Variants in RMDN1 observed in about 807,000 individuals in gnomAD.
RMDN1 encodes the protein regulator of microtubule dynamics protein 1.
RMDN1 carries 48 observed loss-of-function variants against 48.9 expected under a neutral mutation model. The observed-to-expected ratio is 0.98, with a 90% CI of 0.78 to 1.25. The LOEUF (loss-of-function observed/expected upper bound fraction) is 1.25, where lower values mean the gene tolerates loss of function less well. Among genes scored for constraint, RMDN1 ranks in the 50% most tolerant of loss-of-function variants. RMDN1 has a pLI of 0.00. For synonymous variants in RMDN1, 148 were observed against 132.6 expected, an observed-to-expected ratio of 1.12 and a Z score of -0.80; for missense variants, 418 against 373.4, an observed-to-expected ratio of 1.12 and a Z score of -0.98.
chr8:86,500,375 A>T (rs1187521201), intron 2 of RMDN1, among the ~76,000 whole-genome samples: 1 of 152,076 alleles, frequency 6.6e-6, no homozygotes, highest in East Asian at 1.9e-4. Context: ...AAAAGACATG[A>T]ACACTTCTCA....
chr8:86,507,078 A>C lies in RMDN1; in HGVS notation c.164T>G (p.Leu55Arg). Reference protein sequence around the residue: ...MGNPGTFKRGLLLSALSYLGF... With the variant: ...MGNPGTFKRGRLLSALSYLGF... ...CAAATACGACAAAGCTGAGAGTAAAAGGCCTCTTTTGAAAGTTCCTGGGTT... is the reference window on the plus strand; with the variant it reads ...CAAATACGACAAAGCTGAGAGTAAACGGCCTCTTTTGAAAGTTCCTGGGTT... The change falls in exon 2 of 10, where the codon CTT (leucine) becomes CGT (arginine). Residue 55 changes from leucine to arginine, a missense_variant. Coordinates refer to ENST00000406452, the MANE Select transcript of RMDN1 (RefSeq NM_016033.3). 6.2e-7 allele frequency: 1 copy of C among 1,612,006 alleles called. No individual in the cohort carries two copies. Among genetic ancestry groups the C allele is most frequent in the Non-Finnish European group, 8.5e-7 (1 of 1,178,050 alleles).
intron 4 of RMDN1, 65 bp downstream of exon 4, chr8:86,486,419 A>G (rs1423114407): frequency 4.3e-6 from 5 of 1,163,016 alleles, no homozygotes; most frequent in Non-Finnish European, 5.7e-6. Flanking sequence ...TAAATCAGAG[A>G]TAATAGAAAA....
intron 2 of RMDN1, among the ~76,000 whole-genome samples, chr8:86,494,626 G>A (rs1003835154): frequency 1.3e-5 from 2 of 152,072 alleles, no homozygotes; most frequent in African/African-American, 2.4e-5. Context: ...CCCCTACTGC[G>A]GCTATGAAGG....
At chr8:86,491,706 T>C (rs539299696) in intron 2 of RMDN1, among the ~76,000 whole-genome samples, 4 of 152,210 alleles carry the variant, frequency 2.6e-5, no homozygotes, top group Non-Finnish European at 5.9e-5. Flanking sequence ...AGTGAAATCT[T>C]AAATGTAACC....
At chr8:86,468,758 A>C, downstream of RMDN1, 1 of 455,504 alleles carries the variant, frequency 2.2e-6, no homozygotes, top group South Asian at 1.6e-5. Context: ...AGGGTCTTCC[A>C]CTTTTCATAC....
At chr8:86,508,915 T>G, upstream of RMDN1, 2 of 586,962 alleles carry the variant, frequency 3.4e-6, no homozygotes, top group Non-Finnish European at 2.3e-6. Context: ...TCCATCTCTC[T>G]AGGGGGTCTT....
rs1812701132 is a variant in RMDN1 at position 86,472,474 on chromosome 8, C to T, written c.*1834G>A. The T allele has an allele frequency of 1.4e-6, 1 of 702,400 alleles. No homozygotes were observed. Among genetic ancestry groups the T allele is most frequent in the Non-Finnish European group, 2.6e-6 (1 of 384,982 alleles). 43.5% of individuals were successfully genotyped at this position (702,400 alleles called of 1,614,324 possible). ...TGGCCCTTCAGCTGCTTCTGTTTCT[C>T]TTCACCTACAAAAATAAAATTACAG... On this transcript the variant is annotated 3_prime_UTR_variant, in exon 10 of 10. Coordinates refer to ENST00000406452, the MANE Select transcript of RMDN1 (RefSeq NM_016033.3).
At chr8:86,504,179 G>C in intron 2 of RMDN1, 1 of 1,494,232 alleles carries the variant, frequency 6.7e-7, no homozygotes. Context: ...ATCCTACAAA[G>C]TGCAGCCCTT....
intron 2 of RMDN1, among the ~76,000 whole-genome samples, chr8:86,489,103 A>G (rs1816006636): frequency 6.6e-6 from 1 of 152,246 alleles, no homozygotes; most frequent in Admixed American, 6.5e-5. Flanking sequence ...ACTACCAACC[A>G]TTGTAGAAAA....
At chr8:86,501,191 A>C (rs935858587) in intron 2 of RMDN1, among the ~76,000 whole-genome samples, 4 of 152,162 alleles carry the variant, frequency 2.6e-5, no homozygotes, top group African/African-American at 9.7e-5. Context: ...GTACCCTCTG[A>C]ATCTAAAATA....
chr8:86,468,634 T>C (rs1412338573), downstream of RMDN1: 1 of 454,196 alleles, frequency 2.2e-6, no homozygotes, highest in Non-Finnish European at 4.4e-6. Context: ...AAGGCAGCTT[T>C]CCAGTTCGTT....
At position 86,474,954 on chromosome 8, in the gene RMDN1, C is replaced by G; in HGVS notation, c.761-1G>C. ...TTTTTGCTGTAGAAGTTTGGATCCA[C>G]TGCACATAAGAAAGAAAAAATGATC... is the stretch of plus-strand genomic sequence containing the variant. On this transcript the variant is annotated splice_acceptor_variant, in intron 8 of 9. Coordinates refer to ENST00000406452, the MANE Select transcript of RMDN1 (RefSeq NM_016033.3). LOFTEE classifies it high-confidence loss of function. 6.3e-7 allele frequency: 1 copy of G among 1,598,268 alleles called. No individual in the cohort carries two copies. The highest frequency in any genetic ancestry group is 8.5e-7 in the Non-Finnish European group (1 of 1,175,498).
intron 2 of RMDN1, among the ~76,000 whole-genome samples, chr8:86,494,078 G>T (rs1032516125): frequency 4.6e-5 from 7 of 152,182 alleles, no homozygotes; most frequent in African/African-American, 1.7e-4. Flanking sequence ...GGGTGATGTT[G>T]GTCAAATGGT....
chr8:86,472,933 A>G lies in RMDN1; in HGVS notation c.*1375T>C, dbSNP rs1011594437. ...ATAAAGTTACCTTCAAGCTATGTGC[A>G]TAAGGTATATATGAAACAAGTGAAT... On this transcript the variant is annotated 3_prime_UTR_variant, in exon 10 of 10. Coordinates refer to ENST00000406452, the MANE Select transcript of RMDN1 (RefSeq NM_016033.3). The G allele has an allele frequency of 6.1e-6, 1 of 165,208 alleles. No homozygotes were observed. Among genetic ancestry groups the G allele is most frequent in the African/African-American group, 2.4e-5 (1 of 41,640 alleles). 10.2% of individuals were successfully genotyped at this position (165,208 alleles called of 1,614,324 possible).
chr8:86,510,395 CT>C (rs1819983835), upstream of RMDN1, among the ~76,000 whole-genome samples: 1 of 152,086 alleles, frequency 6.6e-6, no homozygotes, highest in African/African-American at 2.4e-5. Flanking sequence ...AAGATCAAAT[CT>C]TGATAATGTC....
chr8:86,508,800 G>T, upstream of RMDN1: 2 of 1,323,640 alleles, frequency 1.5e-6, no homozygotes, highest in South Asian at 2.1e-5. Flanking sequence ...GGGCTTAGGG[G>T]GTGGGAAATA....
At chr8:86,471,904 C>T (rs762363202), downstream of RMDN1, among the ~76,000 whole-genome samples, 5 of 152,282 alleles carry the variant, frequency 3.3e-5, no homozygotes, top group Non-Finnish European at 5.9e-5. Context: ...AGATGGGGAA[C>T]TGTTGTGGAT....
chr8:86,513,676 T>C (rs1820165609), upstream of RMDN1, among the ~76,000 whole-genome samples: 1 of 152,212 alleles, frequency 6.6e-6, no homozygotes, highest in Non-Finnish European at 1.5e-5. Context: ...CAGTTTTCAT[T>C]TGTAAAATGG....
downstream of RMDN1, chr8:86,470,240 A>AAAT: frequency 7.8e-7 from 1 of 1,289,360 alleles, no homozygotes. Flanking sequence ...GTACGTGGGG[A>AAAT]AATAAGCATC....
Sources: allele counts gnomAD v4.1 joint callset (sites outside exome capture counted in the v4.1 genomes callset), GRCh38; gene constraint gnomAD v4.1.1; transcripts MANE v1.5; gene names NCBI Gene and HGNC (gene_info 2026-07-23, HGNC 2026-07-21).